Variants in EIF3H observed in about 807,000 individuals in gnomAD.
EIF3H encodes the protein eIF-3-gamma.
Under a neutral mutation model 44.2 loss-of-function variants are expected in EIF3H, and 26 were observed. That is an observed-to-expected ratio of 0.59 (90% CI 0.43 to 0.82). The LOEUF is 0.82. EIF3H is among the 40% of genes least tolerant of loss of function. The probability of loss-of-function intolerance (pLI) is 0.00; values close to 1 mark genes in which losing one functional copy is unlikely to be tolerated. For synonymous variants in EIF3H, 166 were observed against 151.9 expected, an observed-to-expected ratio of 1.09 and a Z score of -0.68; for missense variants, 359 against 432.8, an observed-to-expected ratio of 0.83 and a Z score of 1.51.
intron 2 of EIF3H, among the ~76,000 whole-genome samples, chr8:116,667,963 T>C (rs986122516): frequency 6.6e-6 from 1 of 152,326 alleles, no homozygotes; most frequent in South Asian, 2.1e-4. Context: ...TTTTGTTTAA[T>C]GAGCATTTTC....
At chr8:116,742,367 A>T (rs1815148080) in intron 1 of EIF3H, among the ~76,000 whole-genome samples, 1 of 152,228 alleles carries the variant, frequency 6.6e-6, no homozygotes, top group Non-Finnish European at 1.5e-5. Flanking sequence ...TGATGCAATC[A>T]AATGTACAAA....
chr8:116,723,866 A>G (rs1190025252), intron 2 of EIF3H, among the ~76,000 whole-genome samples: 1 of 152,246 alleles, frequency 6.6e-6, no homozygotes, highest in African/African-American at 2.4e-5. Flanking sequence ...TTCAGAGGTT[A>G]GACTTCATCT....
intron 2 of EIF3H, among the ~76,000 whole-genome samples, 172 bp from the exon 3 acceptor site, chr8:116,659,152 G>A (rs989826708): frequency 6.6e-6 from 1 of 152,082 alleles, no homozygotes; most frequent in Non-Finnish European, 1.5e-5. Flanking sequence ...ACAAAATTAG[G>A]CTTTTAAATC....
chr8:116,742,117 A>C (rs1321510779), intron 1 of EIF3H, among the ~76,000 whole-genome samples: 1 of 152,142 alleles, frequency 6.6e-6, no homozygotes, highest in Non-Finnish European at 1.5e-5. Flanking sequence ...TGCTCCTGAC[A>C]CACATGGGAT....
At chr8:116,712,111 C>T (rs1029336459) in intron 2 of EIF3H, among the ~76,000 whole-genome samples, 3 of 152,202 alleles carry the variant, frequency 2.0e-5, no homozygotes, top group Non-Finnish European at 4.4e-5. Context: ...CTGCCGCCGC[C>T]GCCGCTGCTG....
intron 2 of EIF3H, among the ~76,000 whole-genome samples, chr8:116,690,217 G>C (rs138260825): frequency 1.5e-3 from 224 of 152,174 alleles, no homozygotes; most frequent in Non-Finnish European, 2.2e-3. Context: ...ACCTCTGATG[G>C]ACCACACAGC....
At chr8:116,753,810 T>G (rs1433777129) in intron 1 of EIF3H, among the ~76,000 whole-genome samples, 1 of 152,170 alleles carries the variant, frequency 6.6e-6, no homozygotes, top group East Asian at 1.9e-4. Context: ...CCTAAAATAT[T>G]TGCTAAATAA....
rs989407668 is a variant in EIF3H at position 116,666,294 on chromosome 8, GC to G, written c.290-7315del. On this transcript the variant is annotated intron_variant, in intron 2 of 7. Coordinates refer to ENST00000521861, the MANE Select transcript of EIF3H (RefSeq NM_003756.3). ...GAATAGGGTGGGGGCAGGCATTGTC[GC>G]CCTATTTTATCTTTAAAACTAGTAC... is the stretch of plus-strand genomic sequence containing the variant. Among the ~76,000 whole-genome samples the G allele has an allele frequency of 7.1e-4, 108 of 152,066 alleles. 2 individuals are homozygous for G. Among genetic ancestry groups the G allele is most frequent in the Non-Finnish European group, 2.5e-4 (17 of 68,008 alleles).
intron 2 of EIF3H, among the ~76,000 whole-genome samples, chr8:116,705,497 C>G (rs985117562): frequency 1.5e-4 from 20 of 129,090 alleles, no homozygotes; most frequent in Non-Finnish European, 2.2e-4. Flanking sequence ...TTACACCCCC[C>G]CCCACCACCA....
chr8:116,743,798 AAACACACACAC>A (rs745709154), intron 1 of EIF3H, among the ~76,000 whole-genome samples: 7,387 of 79,704 alleles, frequency 0.093, 332 homozygotes, highest in Middle Eastern at 0.18. Flanking sequence ...ATATATATAT[AAACACACACAC>A]ACACACACAC....
chr8:116,680,480 T>C (rs1329572932), intron 2 of EIF3H, among the ~76,000 whole-genome samples: 1 of 74,462 alleles, frequency 1.3e-5, no homozygotes, highest in African/African-American at 4.9e-5. Context: ...TGTTCTGTAC[T>C]AAGAAAAATT....
At chr8:116,680,223 C>T (rs1485358897) in intron 2 of EIF3H, among the ~76,000 whole-genome samples, 2 of 56,190 alleles carry the variant, frequency 3.6e-5, no homozygotes, top group African/African-American at 5.3e-5. Context: ...GCCCCCCGCC[C>T]GGCCAGCCGC....
chr8:116,721,557 C>A (rs1814746988), intron 2 of EIF3H, among the ~76,000 whole-genome samples: 1 of 152,194 alleles, frequency 6.6e-6, no homozygotes, highest in South Asian at 2.1e-4. Context: ...TTGCACCATG[C>A]ACCTGGAAAA....
At position 116,673,515 on chromosome 8, in the gene EIF3H, A is replaced by C. The variant is rs368345168; in HGVS notation, c.290-14535T>G. ...AGTATGATAACCTAAATGTTAAAAA[A>C]CTGTGATATTTTTGCTCAGAAATAA... On this transcript the variant is annotated intron_variant, in intron 2 of 7. Coordinates refer to ENST00000521861, the MANE Select transcript of EIF3H (RefSeq NM_003756.3). Among the ~76,000 whole-genome samples the C allele has an allele frequency of 3.3e-5, 5 of 152,270 alleles. No individual in the cohort carries two copies. In the South Asian group the frequency reaches 6.2e-4, roughly 19 times the overall value.
chr8:116,704,132 C>T (rs1021266999), intron 2 of EIF3H, among the ~76,000 whole-genome samples: 1 of 152,204 alleles, frequency 6.6e-6, no homozygotes, highest in Admixed American at 6.5e-5. Flanking sequence ...TGACAATTAA[C>T]AATCAACAAA....
intron 1 of EIF3H, among the ~76,000 whole-genome samples, chr8:116,752,736 A>AAAAAAGG (rs1435243692): frequency 1.1e-5 from 1 of 87,070 alleles, no homozygotes; most frequent in East Asian, 4.1e-4. Flanking sequence ...AAGAAAGAAG[A>AAAAAAGG]GAAAGAAAGA....
rs1200003709 is a variant in EIF3H, at chr8:116,726,127, T to G, written c.178A>C (p.Thr60Pro). Reference protein sequence around the residue: ...IKHYQEEGQGTEVVQGVLLGL... With the variant: ...IKHYQEEGQGPEVVQGVLLGL... ...AAAAGCACTCCTTGAACAACTTCAG[T>G]TCCTTGTCCTTCTTCTTGATAATGT... Residue 60 changes from threonine to proline, a missense_variant, in exon 2 of 8, where the codon ACT becomes CCT. Physicochemically the swap from Thr to Pro is conservative, Grantham distance 38. Coordinates refer to ENST00000521861, the MANE Select transcript of EIF3H (RefSeq NM_003756.3). 1 of 1,614,064 alleles carries G rather than the reference T, an allele frequency of 6.2e-7. No individual in the cohort carries two copies. The highest frequency in any genetic ancestry group is 2.2e-5 in the East Asian group (1 of 44,868).
At chr8:116,672,676 G>C (rs138623266) in intron 2 of EIF3H, among the ~76,000 whole-genome samples, 5 of 152,048 alleles carry the variant, frequency 3.3e-5, no homozygotes, top group African/African-American at 1.2e-4. Context: ...GTGGTCAGTG[G>C]TCAGGAGAGG....
chr8:116,688,408 AAT>A (rs1384719258), intron 2 of EIF3H, among the ~76,000 whole-genome samples: 2 of 152,182 alleles, frequency 1.3e-5, no homozygotes, highest in African/African-American at 2.4e-5. Context: ...GAAAAAATAA[AAT>A]GTGATATATT....
Sources: gnomAD v4.1 joint callset for allele counts (sites outside exome capture counted in the v4.1 genomes callset) on GRCh38, gnomAD v4.1.1 for gene constraint, MANE v1.5 for transcripts, NCBI Gene and HGNC (gene_info 2026-07-23, HGNC 2026-07-21) for gene names.